The following VWF variants were observed in gnomAD, a reference collection of about 807,000 sequenced individuals.
VWF encodes the protein von Willebrand factor.
VWF carries 176 observed loss-of-function variants against 308.6 expected under a neutral mutation model. The ratio of observed to expected loss-of-function variants is 0.57; its 90% CI spans 0.50 to 0.65. The LOEUF (loss-of-function observed/expected upper bound fraction) is 0.65, where lower values mean the gene tolerates loss of function less well. VWF is among the 30% of genes least tolerant of loss of function. VWF has a pLI of 0.00. For missense variants in VWF, 3,146 were observed against 3,648.2 expected (o/e 0.86, Z 3.55); for synonymous variants, 1,385 against 1,443.4 (o/e 0.96, Z 0.92).
chr12:6,067,503 C>T (rs901079174), intron 10 of VWF, among the ~76,000 whole-genome samples: 3 of 152,242 alleles, frequency 2.0e-5, no homozygotes, highest in Non-Finnish European at 4.4e-5. Context: ...CCTTCACTGA[C>T]TTGTGTTCCC....
At chr12:6,002,940 AAT>A (rs1943888703) in intron 34 of VWF, among the ~76,000 whole-genome samples, 1 of 152,190 alleles carries the variant, frequency 6.6e-6, no homozygotes. Context: ...AGAAGCACCA[AAT>A]ATCTGTCTCC....
chr12:5,995,878 C>CT lies in VWF; in HGVS notation c.6063+123dup, dbSNP rs1475113293. The stretch of plus-strand genomic sequence containing the variant: ...CCTCTAAGAAAGTGGTACTCCTCTC[C>CT]TCCACTTAAGCAGAAGGCAGAGCTC... On this transcript the variant is annotated intron_variant, in intron 35 of 51. Transcript: ENST00000261405. 13 of 883,624 alleles carry CT rather than the reference C, an allele frequency of 1.5e-5. No individual in the cohort carries two copies. The African/African-American group carries it at 2.2e-4, about 15-fold the overall frequency. The allele number at this position is 883,624 out of a possible 1,614,324, so 54.7% of individuals were successfully genotyped here.
intron 28 of VWF, among the ~76,000 whole-genome samples, chr12:6,017,277 T>C (rs1298201044): frequency 6.6e-6 from 1 of 152,230 alleles, no homozygotes; most frequent in Admixed American, 6.5e-5. Context: ...TGAGCTGCTG[T>C]GTCCTCAGAT....
At position 6,046,633 on chromosome 12, in the gene VWF, A is replaced by G. The variant is rs1475484347; in HGVS notation, c.2281+90T>C. ...ATGCCTGGGTGCACACGCACATCTG[A>G]CGGTGTCACCCAGCTCTCTCCCGCC... On this transcript the variant is annotated intron_variant, in intron 17 of 51. Coordinates refer to ENST00000261405, the MANE Select transcript of VWF (RefSeq NM_000552.5). The surrounding 1 kb of genome is among the most constrained non-coding windows in gnomAD (Gnocchi z 5.0). 5.5e-6 allele frequency: 7 copies of G among 1,281,692 alleles called. No individual in the cohort carries two copies. Among genetic ancestry groups the G allele is most frequent in the African/African-American group, 2.9e-5 (2 of 68,354 alleles). 79.4% of individuals were successfully genotyped at this position (1,281,692 alleles called of 1,614,324 possible).
At chr12:6,000,785 CT>C (rs1943863419) in intron 34 of VWF, among the ~76,000 whole-genome samples, 2 of 99,922 alleles carry the variant, frequency 2.0e-5, no homozygotes, top group South Asian at 8.1e-4. Flanking sequence ...GCACTCCAGC[CT>C]GAGCCACAGA....
At chr12:6,036,549 T>A (rs1035394516) in intron 18 of VWF, 58 bp from the exon 19 acceptor site, 1 of 1,480,078 alleles carries the variant, frequency 6.8e-7, no homozygotes, top group Admixed American at 1.7e-5. Flanking sequence ...AAAGCCCTCC[T>A]CCAGCCCGCT....
At position 6,016,760 on chromosome 12, in the gene VWF, T is replaced by C. The variant is rs757670823; in HGVS notation, c.5164A>G (p.Asn1722Asp). 40 of 1,614,098 alleles carry C rather than the reference T, an allele frequency of 2.5e-5. No homozygotes were observed. The highest frequency in any genetic ancestry group is 3.3e-5 in the Non-Finnish European group (39 of 1,180,044). ...AGGTGCCTCGCTCACCCACCTATAT[T>C]GGCTTTTGAAATGAAAGCCTTGGCG... ...SFAKAFISKANIGPRLTQVSV... is the reference protein window; with the variant it reads ...SFAKAFISKADIGPRLTQVSV... Residue 1722 changes from asparagine to aspartate, a missense_variant, in exon 29 of 52, where the codon AAT (asparagine) becomes GAT (aspartate). This residue lies in a region of VWF where 853 missense variants were observed against 1,177.8 expected (regional missense o/e 0.72). Transcript: ENST00000261405.
At position 6,022,735 on chromosome 12, in the gene VWF, C is replaced by T; in HGVS notation, c.3538+5G>A. On this transcript the variant is annotated splice_donor_5th_base_variant and intron_variant, in intron 26 of 51. Coordinates refer to ENST00000261405, the MANE Select transcript of VWF (RefSeq NM_000552.5). ...CAGCCTGACCCCCAGGGATAGAGGC[C>T]TCACCTGGAGGGCAGTGGGCATGGC... is the stretch of plus-strand genomic sequence containing the variant. The T allele has an allele frequency of 2.1e-6, 1 of 466,354 alleles. No individual in the cohort carries two copies. Among genetic ancestry groups the T allele is most frequent in the South Asian group, 2.2e-5 (1 of 45,822 alleles). The allele number at this position is 466,354 out of a possible 1,614,324, so 28.9% of individuals were successfully genotyped here.
rs999427753 is a variant in VWF, at chr12:6,075,224, G to A, written c.874+111C>T. The A allele has an allele frequency of 1.8e-5, 24 of 1,366,572 alleles. No homozygotes were observed. 84.7% of individuals were successfully genotyped at this position (1,366,572 alleles called of 1,614,324 possible). A position where few individuals can be genotyped will look rare whatever the true frequency, so the allele number is the denominator to read the frequency against. On this transcript the variant is annotated intron_variant, in intron 7 of 51. Transcript: ENST00000261405. This position sits in a 1 kb window ranked among gnomAD's most constrained non-coding sequence, Gnocchi z 4.7. ...GGCTTTGTAGTCACTGGCTGGCTGGGTGTGGTAAAGCCGCACATACGTGAC... is the reference window on the plus strand; with the variant it reads ...GGCTTTGTAGTCACTGGCTGGCTGGATGTGGTAAAGCCGCACATACGTGAC...
At chr12:5,993,531 C>A (rs185687199) in intron 37 of VWF, among the ~76,000 whole-genome samples, 1 of 151,996 alleles carries the variant, frequency 6.6e-6, no homozygotes, top group Non-Finnish European at 1.5e-5. Context: ...ACATTAAAAT[C>A]GCATTTGTCT....
chr12:6,023,525 T>C, intron 25 of VWF, 106 bp downstream of exon 25: 1 of 1,517,514 alleles, frequency 6.6e-7, no homozygotes, highest in Non-Finnish European at 9.0e-7. Flanking sequence ...TAACACTCTG[T>C]CTTCTCTCGC....
chr12:5,972,762 C>G (rs534620474), intron 43 of VWF, among the ~76,000 whole-genome samples: 2 of 152,226 alleles, frequency 1.3e-5, no homozygotes, highest in East Asian at 3.9e-4. Flanking sequence ...CTATGATGTA[C>G]TAGGTACTAC....
intron 41 of VWF, among the ~76,000 whole-genome samples, chr12:5,982,711 G>A (rs1464746352): frequency 2.0e-5 from 3 of 152,128 alleles, no homozygotes; most frequent in East Asian, 1.9e-4. Flanking sequence ...CCATCGCTAT[G>A]TTTAAGTTAC....
At chr12:6,105,164 A>G (rs1945227819) in intron 5 of VWF, among the ~76,000 whole-genome samples, 2 of 152,336 alleles carry the variant, frequency 1.3e-5, no homozygotes, top group South Asian at 2.1e-4. Flanking sequence ...TTGTACCCTA[A>G]AAGTCCTGAC....
intron 37 of VWF, among the ~76,000 whole-genome samples, chr12:5,993,436 G>A (rs1943766540): frequency 6.6e-6 from 1 of 152,144 alleles, no homozygotes; most frequent in African/African-American, 2.4e-5. Flanking sequence ...GGACTACACT[G>A]TAAGTGTGTG....
intron 46 of VWF, 146 bp from the exon 47 acceptor site, chr12:5,967,748 C>A: frequency 1.3e-6 from 1 of 782,246 alleles, no homozygotes. Context: ...TGGCCCACTG[C>A]CTTCCCGTCC....
Position 6,065,125 on chromosome 12 carries a change from G to C in VWF, c.1293+12C>G. 3 of 1,614,146 alleles carry C rather than the reference G, an allele frequency of 1.9e-6. No homozygotes were observed. Among genetic ancestry groups the C allele is most frequent in the Non-Finnish European group, 2.5e-6 (3 of 1,180,042 alleles). On this transcript the variant is annotated intron_variant, in intron 11 of 51. Transcript: ENST00000261405. ...CTACCACCCGACCAGCAGCCGGGCT[G>C]GCAAAGCTCACCTGGACAGTCTCAA...
chr12:5,983,588 G>A (rs1943636725), intron 40 of VWF, among the ~76,000 whole-genome samples: 1 of 149,568 alleles, frequency 6.7e-6, no homozygotes, highest in African/African-American at 2.4e-5. Flanking sequence ...CTTAGAGAGA[G>A]ATAGGATAGA....
intron 34 of VWF, among the ~76,000 whole-genome samples, chr12:6,010,548 C>T (rs1943982194): frequency 1.3e-5 from 2 of 152,176 alleles, no homozygotes; most frequent in Non-Finnish European, 2.9e-5. Context: ...TATGAAAATT[C>T]GTTCGTATGT....
Sources: allele counts gnomAD v4.1 joint callset (sites outside exome capture counted in the v4.1 genomes callset), GRCh38; gene constraint gnomAD v4.1.1; regional missense constraint gnomAD v4.1.1; non-coding constraint Gnocchi (gnomAD v3.1); transcripts MANE v1.5; gene names NCBI Gene and HGNC (gene_info 2026-07-23, HGNC 2026-07-21).